The following RBPJ variants were observed in gnomAD, a reference collection of about 807,000 sequenced individuals.
RBPJ encodes recombining binding protein suppressor of hairless.
A neutral mutation model predicts 67.8 loss-of-function variants in RBPJ; 9 were observed. That is an observed-to-expected ratio of 0.13 (90% CI 0.08 to 0.23). The LOEUF is 0.23. Ranked by LOEUF, RBPJ falls within the 10% of genes least tolerant of loss-of-function variation. The pLI is 1.00. For synonymous variants in RBPJ, 198 were observed against 203.3 expected (o/e 0.97, Z 0.22); for missense variants, 305 against 595.6 (o/e 0.51, Z 5.08).
At chr4:26,316,957 G>C (rs539705649), upstream of RBPJ, among the ~76,000 whole-genome samples, 1 of 148,664 alleles carries the variant, frequency 6.7e-6, no homozygotes, top group South Asian at 2.1e-4. Context: ...TGAACCCTAG[G>C]AGGCTTAGTC....
At chr4:26,263,792 G>A (rs1161726590) in intron 1 of RBPJ, among the ~76,000 whole-genome samples, 2 of 151,612 alleles carry the variant, frequency 1.3e-5, no homozygotes, top group African/African-American at 4.8e-5. Flanking sequence ...GGCTGGTCTC[G>A]AACTCCTGAC....
intron 1 of RBPJ, among the ~76,000 whole-genome samples, chr4:26,354,451 GTTTTTT>G (rs35328021): frequency 8.5e-6 from 1 of 117,468 alleles, no homozygotes. Context: ...AAAGATTTCT[GTTTTTT>G]TTTTTTTTTT....
At chr4:26,260,594 G>A (rs557064730) in intron 1 of RBPJ, among the ~76,000 whole-genome samples, 4 of 152,272 alleles carry the variant, frequency 2.6e-5, no homozygotes, top group South Asian at 2.1e-4. Context: ...GCCAGACAAC[G>A]GAAGATTTTG....
chr4:26,260,656 C>T (rs1291106854), intron 1 of RBPJ, among the ~76,000 whole-genome samples: 2 of 152,102 alleles, frequency 1.3e-5, no homozygotes, highest in Non-Finnish European at 2.9e-5. Context: ...ATAATAATAC[C>T]GTGCAGTTGC....
In RBPJ at chr4:26,362,179, C is replaced by T. The variant is rs75846757; in HGVS notation, c.21-24174C>T. The stretch of plus-strand genomic sequence containing the variant: ...GCACCTAGCAAGTCTTCAGACCAGT[C>T]TTTTAAGTAATTTTTATTCCCTGAG... On this transcript the variant is annotated intron_variant, in intron 1 of 10. Transcript: ENST00000355476. 2.1e-3 allele frequency among the ~76,000 whole-genome samples: 317 copies of T among 152,278 alleles called. 3 individuals are homozygous for T. The highest frequency in any genetic ancestry group is 7.0e-3 in the African/African-American group (291 of 41,546).
intron 1 of RBPJ, among the ~76,000 whole-genome samples, chr4:26,243,052 C>T (rs530622372): frequency 6.6e-6 from 1 of 152,042 alleles, no homozygotes; most frequent in Admixed American, 6.6e-5. Flanking sequence ...CATGGAGAAA[C>T]CCCGTCTCTA....
At chr4:26,311,726 T>A (rs1324058527) in intron 1 of RBPJ, among the ~76,000 whole-genome samples, 2 of 152,144 alleles carry the variant, frequency 1.3e-5, no homozygotes, top group Non-Finnish European at 2.9e-5. Flanking sequence ...ATTACTCCCT[T>A]TAGTGAGAAA....
At chr4:26,225,458 G>T (rs537298096) in intron 1 of RBPJ, among the ~76,000 whole-genome samples, 3 of 152,184 alleles carry the variant, frequency 2.0e-5, no homozygotes, top group African/African-American at 7.2e-5. Context: ...AAAGGGAGAC[G>T]GATGAACAGG....
chr4:26,397,546 G>A (rs1732260282), intron 2 of RBPJ, among the ~76,000 whole-genome samples: 1 of 152,186 alleles, frequency 6.6e-6, no homozygotes, highest in Admixed American at 6.5e-5. Flanking sequence ...AGCATTTTCT[G>A]TAGCGTCAAG....
intron 1 of RBPJ, among the ~76,000 whole-genome samples, chr4:26,254,431 G>C (rs930705512): frequency 6.1e-5 from 9 of 148,588 alleles, no homozygotes; most frequent in Admixed American, 4.0e-4. Context: ...CTCAGGGCTT[G>C]CCATGTCCTC....
intron 1 of RBPJ, among the ~76,000 whole-genome samples, chr4:26,369,081 C>T (rs936444770): frequency 6.6e-6 from 1 of 152,150 alleles, no homozygotes; most frequent in Admixed American, 6.5e-5. Context: ...AACAGGTATT[C>T]AGCAAATATT....
the RBPJ span, among the ~76,000 whole-genome samples, chr4:26,109,143 T>C: frequency 1.4e-5 from 2 of 147,926 alleles, no homozygotes. Flanking sequence ...AGTCTTGCTC[T>C]GTTGCCCAGG....
intron 1 of RBPJ, among the ~76,000 whole-genome samples, chr4:26,232,731 G>A (rs992918322): frequency 1.3e-5 from 2 of 152,192 alleles, no homozygotes; most frequent in Non-Finnish European, 2.9e-5. Context: ...TCAGAGTGGA[G>A]TTCAAGTATG....
chr4:26,186,754 T>C (rs919168700), intron 1 of RBPJ, among the ~76,000 whole-genome samples: 5 of 152,238 alleles, frequency 3.3e-5, no homozygotes, highest in Non-Finnish European at 5.9e-5. Flanking sequence ...ATTTCTAATT[T>C]ACCTAAACTT....
intron 2 of RBPJ, among the ~76,000 whole-genome samples, chr4:26,393,980 T>A (rs1251371740): frequency 6.6e-6 from 1 of 152,116 alleles, no homozygotes; most frequent in Non-Finnish European, 1.5e-5. Flanking sequence ...AAACTTTTGA[T>A]TAAGGCTCGT....
upstream of RBPJ, among the ~76,000 whole-genome samples, chr4:26,319,262 C>T (rs1242636184): frequency 1.3e-5 from 2 of 152,134 alleles, no homozygotes; most frequent in African/African-American, 4.8e-5. Flanking sequence ...TAGAGCCTGA[C>T]CTCTCACTCT....
chr4:26,360,457 G>A (rs566330171), intron 1 of RBPJ, among the ~76,000 whole-genome samples: 4 of 152,202 alleles, frequency 2.6e-5, no homozygotes, highest in East Asian at 3.9e-4. Context: ...ATTGTGTTGC[G>A]GGCTTTGGTG....
intron 1 of RBPJ, among the ~76,000 whole-genome samples, chr4:26,333,627 C>G (rs1444949513): frequency 1.3e-5 from 2 of 152,118 alleles, no homozygotes; most frequent in Non-Finnish European, 2.9e-5. Flanking sequence ...TGGGCTCAAG[C>G]ATTCTTCCTG....
At chr4:26,238,667 C>G (rs974747661) in intron 1 of RBPJ, among the ~76,000 whole-genome samples, 1 of 152,092 alleles carries the variant, frequency 6.6e-6, no homozygotes, top group African/African-American at 2.4e-5. Context: ...GAGATGCAGT[C>G]GTTTTGAGAG....
Sources: allele counts gnomAD v4.1 joint callset (sites outside exome capture counted in the v4.1 genomes callset), GRCh38; gene constraint gnomAD v4.1.1; transcripts MANE v1.5; gene names NCBI Gene and HGNC (gene_info 2026-07-23, HGNC 2026-07-21).